The following CCDC102B variants were observed in gnomAD, a reference collection of about 807,000 sequenced individuals.
The protein encoded by CCDC102B is coiled-coil domain-containing protein 102B.
Under a neutral mutation model 57.4 loss-of-function variants are expected in CCDC102B, and 75 were observed. That is an observed-to-expected ratio of 1.31 (90% CI 1.08 to 1.58). CCDC102B has a LOEUF of 1.58. Among genes scored for constraint, CCDC102B ranks in the 40% most tolerant of loss-of-function variants. CCDC102B has a pLI of 0.00. For synonymous variants in CCDC102B, 206 were observed against 201.9 expected, an observed-to-expected ratio of 1.02 and a Z score of -0.17; for missense variants, 636 against 582.6, an observed-to-expected ratio of 1.09 and a Z score of -0.94.
At chr18:68,900,481 C>T (rs1398737792) in intron 6 of CCDC102B, among the ~76,000 whole-genome samples, 2 of 152,008 alleles carry the variant, frequency 1.3e-5, no homozygotes, top group Non-Finnish European at 2.9e-5. Context: ...AAAAGTCTTC[C>T]ATACACTCAG....
chr18:69,043,344 T>C (rs1403923170), intron 7 of CCDC102B, among the ~76,000 whole-genome samples: 1 of 152,062 alleles, frequency 6.6e-6, no homozygotes, highest in Non-Finnish European at 1.5e-5. Context: ...TCCTCTTGTC[T>C]CAAGTGCAAG....
intron 6 of CCDC102B, among the ~76,000 whole-genome samples, chr18:68,952,190 T>A (rs1490398656): frequency 6.6e-6 from 1 of 152,028 alleles, no homozygotes; most frequent in African/African-American, 2.4e-5. Flanking sequence ...TGGTTTTCAG[T>A]TCTGCCCCTT....
chr18:68,761,222 G>A (rs186594188), intron 2 of CCDC102B, among the ~76,000 whole-genome samples: 27 of 152,106 alleles, frequency 1.8e-4, no homozygotes, highest in African/African-American at 5.8e-4. Context: ...CACAAGTTAC[G>A]ATATGTATTA....
At chr18:68,750,930 C>T (rs2033823375) in intron 2 of CCDC102B, among the ~76,000 whole-genome samples, 1 of 151,334 alleles carries the variant, frequency 6.6e-6, no homozygotes, top group Non-Finnish European at 1.5e-5. Flanking sequence ...CACATGTACC[C>T]TAGAACTTAA....
chr18:69,045,179 A>G (rs992960011), intron 7 of CCDC102B, among the ~76,000 whole-genome samples: 4 of 152,122 alleles, frequency 2.6e-5, no homozygotes, highest in Non-Finnish European at 4.4e-5. Context: ...TTGAATTCAC[A>G]TATTGAATTG....
At chr18:68,798,524 A>G (rs1229618783) in intron 1 of CCDC102B, 1 of 152,150 alleles carries the variant, frequency 6.6e-6, no homozygotes, top group Non-Finnish European at 1.5e-5. Context: ...CATTGTTCCA[A>G]ATGAATGTGA....
Position 68,874,667 on chromosome 18 carries a change from A to T in CCDC102B, c.937-2A>T. 6.3e-7 allele frequency: 1 copy of T among 1,586,664 alleles called. No individual in the cohort carries two copies. The highest frequency in any genetic ancestry group is 1.1e-5 in the South Asian group (1 of 90,452). ...GATTGTAATTTCAACTTTCTTTTTC[A>T]GTTTGACATTCTTCTTGGTCAACAT... On this transcript the variant is annotated splice_acceptor_variant, in intron 4 of 7. Transcript: ENST00000360242. LOFTEE classifies it high-confidence loss of function.
At chr18:68,947,410 A>G (rs1268453587) in intron 6 of CCDC102B, among the ~76,000 whole-genome samples, 1 of 152,100 alleles carries the variant, frequency 6.6e-6, no homozygotes, top group Non-Finnish European at 1.5e-5. Flanking sequence ...CTGCACATAC[A>G]TTATAGTTAC....
intron 2 of CCDC102B, among the ~76,000 whole-genome samples, chr18:68,746,192 T>A (rs1321252371): frequency 2.0e-5 from 3 of 152,236 alleles, no homozygotes; most frequent in East Asian, 3.8e-4. Context: ...TTCAATATAT[T>A]ACTGCCACAT....
intron 7 of CCDC102B, among the ~76,000 whole-genome samples, chr18:69,034,956 A>G (rs1478011011): frequency 1.3e-5 from 2 of 151,850 alleles, no homozygotes; most frequent in African/African-American, 4.8e-5. Context: ...AAACAGCCAT[A>G]CCCTTAAAAT....
In CCDC102B at chr18:68,861,566, C is replaced by A. The variant is rs114815124; in HGVS notation, c.937-13103C>A. 2.9e-3 allele frequency among the ~76,000 whole-genome samples: 446 copies of A among 152,208 alleles called. 2 individuals carry two copies. The highest frequency in any genetic ancestry group is 0.01 in the African/African-American group (430 of 41,508). ...TACCTACTGAGTACTGAGAAAGAACCATTTGGATGGAGTACTTTACCTAAT... is the reference window on the plus strand; with the variant it reads ...TACCTACTGAGTACTGAGAAAGAACAATTTGGATGGAGTACTTTACCTAAT... On this transcript the variant is annotated intron_variant, in intron 4 of 7. Transcript: ENST00000360242.
chr18:69,032,759 A>C (rs1448391506), intron 7 of CCDC102B, among the ~76,000 whole-genome samples: 1 of 152,244 alleles, frequency 6.6e-6, no homozygotes, highest in South Asian at 2.1e-4. Flanking sequence ...TTGATTCTGC[A>C]GTTGCTATAG....
chr18:68,881,693 A>T (rs1201619571), intron 5 of CCDC102B, among the ~76,000 whole-genome samples: 11 of 152,172 alleles, frequency 7.2e-5, no homozygotes, highest in Non-Finnish European at 1.3e-4. Flanking sequence ...GGACTGAAAC[A>T]TCAGAACTTC....
intron 6 of CCDC102B, among the ~76,000 whole-genome samples, chr18:68,943,289 T>C (rs1028901146): frequency 2.2e-4 from 33 of 152,264 alleles, no homozygotes; most frequent in African/African-American, 7.7e-4. Context: ...TTCAAACTCA[T>C]GAATTAAGTA....
intron 6 of CCDC102B, among the ~76,000 whole-genome samples, chr18:68,911,622 G>T (rs562459959): frequency 2.0e-5 from 3 of 149,306 alleles, no homozygotes; most frequent in Admixed American, 6.7e-5. Context: ...CGTGGTGGCG[G>T]GCGCCTGTAG....
intron 3 of CCDC102B, among the ~76,000 whole-genome samples, chr18:68,844,980 C>A (rs2037796118): frequency 1.3e-5 from 2 of 151,864 alleles, no homozygotes; most frequent in Admixed American, 1.3e-4. Flanking sequence ...ATAAGGGATT[C>A]CGGATCAGAG....
intron 2 of CCDC102B, among the ~76,000 whole-genome samples, chr18:68,730,795 T>C (rs2145202101): frequency 6.6e-6 from 1 of 152,312 alleles, no homozygotes; most frequent in East Asian, 1.9e-4. Flanking sequence ...AAATGTCTTC[T>C]ACATGATGTA....
intron 2 of CCDC102B, among the ~76,000 whole-genome samples, chr18:68,730,230 C>T (rs1293835913): frequency 2.0e-5 from 3 of 151,968 alleles, no homozygotes; most frequent in Non-Finnish European, 4.4e-5. Context: ...GATTTCAGAT[C>T]ATCATTACAA....
chr18:68,965,568 A>G (rs1212425507), intron 6 of CCDC102B, among the ~76,000 whole-genome samples: 27 of 151,472 alleles, frequency 1.8e-4, no homozygotes, highest in Admixed American at 1.8e-3. Flanking sequence ...TATGCAACAA[A>G]CCTGCACATT....
Sources: allele counts gnomAD v4.1 joint callset (sites outside exome capture counted in the v4.1 genomes callset), GRCh38; gene constraint gnomAD v4.1.1; transcripts MANE v1.5; gene names NCBI Gene and HGNC (gene_info 2026-07-23, HGNC 2026-07-21).